Variants in COPZ2 observed in about 807,000 individuals in gnomAD.
COPZ2 encodes the protein coat protein complex I subunit zeta 2, also known as coatomer subunit zeta-2.
In COPZ2, 30 loss-of-function variants were observed where a neutral mutation model predicts 33.2. The ratio of observed to expected loss-of-function variants is 0.90; its 90% CI spans 0.68 to 1.23. The LOEUF (loss-of-function observed/expected upper bound fraction) is 1.23, where lower values mean the gene tolerates loss of function less well. COPZ2 is among the 50% of genes most tolerant of loss of function. The pLI is 0.00. For missense variants in COPZ2, 263 were observed against 262.4 expected, an observed-to-expected ratio of 1.00 and a Z score of -0.02; for synonymous variants, 89 against 102.6, an observed-to-expected ratio of 0.87 and a Z score of 0.80.
upstream of COPZ2, among the ~76,000 whole-genome samples, chr17:48,042,548 G>C (rs999429482): frequency 6.6e-6 from 1 of 152,110 alleles, no homozygotes; most frequent in East Asian, 1.9e-4. Context: ...TGCAACCTCT[G>C]CCTCCCGGGT....
chr17:48,042,107 C>G (rs1462470548), upstream of COPZ2, among the ~76,000 whole-genome samples: 2 of 152,076 alleles, frequency 1.3e-5, no homozygotes, highest in African/African-American at 4.8e-5. Flanking sequence ...ACCCCCACAT[C>G]TATCACTGTT....
At chr17:48,029,672 T>TCC (rs2036864146) in intron 6 of COPZ2, among the ~76,000 whole-genome samples, 9 of 53,634 alleles carry the variant, frequency 1.7e-4, no homozygotes, top group African/African-American at 4.0e-4. Flanking sequence ...TTCCTCCCTT[T>TCC]TTTTTTTTTT....
At chr17:48,035,753 C>CTTTTTTTTTTTT (rs368011148) in intron 2 of COPZ2, among the ~76,000 whole-genome samples, 2 of 131,518 alleles carry the variant, frequency 1.5e-5, no homozygotes, top group Non-Finnish European at 3.3e-5. Context: ...TTTTTCTTTT[C>CTTTTTTTTTTTT]TTTTTTTTTT....
chr17:48,044,957 CTTTTT>C, the COPZ2 span, among the ~76,000 whole-genome samples: 1 of 151,878 alleles, frequency 6.6e-6, no homozygotes, highest in South Asian at 2.1e-4. Flanking sequence ...ACATGTTTTT[CTTTTT>C]ATTATTTTTT....
At chr17:48,033,711 G>T (rs370225058) in intron 3 of COPZ2, among the ~76,000 whole-genome samples, 152 bp downstream of exon 3, 1 of 152,274 alleles carries the variant, frequency 6.6e-6, no homozygotes, top group African/African-American at 2.4e-5. Flanking sequence ...GAGGAAGGGA[G>T]TGGAGAACAG....
upstream of COPZ2, among the ~76,000 whole-genome samples, chr17:48,039,978 C>T (rs1328945535): frequency 1.3e-5 from 2 of 152,042 alleles, no homozygotes; most frequent in African/African-American, 4.8e-5. Flanking sequence ...AAAAATTAGC[C>T]GGGGGTGGTG....
At chr17:48,040,557 C>T (rs1034501800), upstream of COPZ2, among the ~76,000 whole-genome samples, 12 of 151,400 alleles carry the variant, frequency 7.9e-5, no homozygotes, top group African/African-American at 2.9e-4. Context: ...CTCAGCCTCC[C>T]GAGTAGTTGG....
rs1369729434 is a variant in COPZ2, at chr17:48,028,440, T to C, written c.585+32A>G. ...CTGCTCCCCGTATCTCTCTAGACCATTTCTAGCCAAGGCAGATGCAGGGGG... is the reference window on the plus strand; with the variant it reads ...CTGCTCCCCGTATCTCTCTAGACCACTTCTAGCCAAGGCAGATGCAGGGGG... On this transcript the variant is annotated intron_variant, in intron 8 of 8. Transcript: ENST00000621465. The surrounding 1 kb of genome is among the most constrained non-coding windows in gnomAD (Gnocchi z 4.5). 6.2e-7 allele frequency: 1 copy of C among 1,603,090 alleles called. No individual in the cohort carries two copies. Among genetic ancestry groups the C allele is most frequent in the South Asian group, 1.1e-5 (1 of 88,874 alleles).
chr17:48,034,057 C>A (rs898416611), intron 2 of COPZ2, 113 bp from the exon 3 acceptor site: 11 of 702,306 alleles, frequency 1.6e-5, no homozygotes, highest in Non-Finnish European at 2.8e-5. Context: ...GCTTCCCTGC[C>A]CCATCTCTCC....
the COPZ2 span, among the ~76,000 whole-genome samples, chr17:48,043,174 A>G: frequency 1.3e-5 from 2 of 152,208 alleles, no homozygotes; most frequent in Admixed American, 1.3e-4. Flanking sequence ...GGGTAGGCAC[A>G]GTAGGATGGA....
intron 2 of COPZ2, among the ~76,000 whole-genome samples, chr17:48,035,500 A>G (rs1201892177): frequency 6.6e-6 from 1 of 152,108 alleles, no homozygotes; most frequent in Non-Finnish European, 1.5e-5. Flanking sequence ...GGCTCAGGCA[A>G]TCCTCCCACT....
At chr17:48,045,572 CGTGT>C in the COPZ2 span, 1 of 152,364 alleles carries the variant, frequency 6.6e-6, no homozygotes, top group African/African-American at 2.4e-5. Context: ...GCCCCAAATC[CGTGT>C]GCTTTAGACC....
At chr17:48,047,149 G>A in the COPZ2 span, 4 of 152,158 alleles carry the variant, frequency 2.6e-5, no homozygotes, top group Admixed American at 2.6e-4. Context: ...AAATGGACTC[G>A]ATTATTTACT....
chr17:48,034,451 G>C (rs1366180508), intron 2 of COPZ2, among the ~76,000 whole-genome samples: 1 of 152,086 alleles, frequency 6.6e-6, no homozygotes, highest in Non-Finnish European at 1.5e-5. Context: ...AAAAGTAGAG[G>C]GATATTGAGG....
At position 48,037,691 on chromosome 17, in the gene COPZ2, T is replaced by A; in HGVS notation, c.87A>T (p.Arg29=). The change falls in exon 1 of 9, where the codon CGA becomes CGT. Residue 29 remains arginine, a synonymous_variant. Transcript: ENST00000621465. The surrounding 1 kb of genome is among the most constrained non-coding windows in gnomAD (Gnocchi z 5.6). ...CCCGCAGCCCCGAGGGCTCCCCGGCTCGAGCAGGCGGCGCCGGGCCCCCGG... is the reference window on the plus strand; with the variant it reads ...CCCGCAGCCCCGAGGGCTCCCCGGCACGAGCAGGCGGCGCCGGGCCCCCGG... The part of the protein sequence containing the change: ...AQAGGPAPPA[R]AGEPSGLRLQ... 1 of 1,085,176 alleles carries A rather than the reference T, an allele frequency of 9.2e-7. No individual in the cohort carries two copies. The allele number at this position is 1,085,176 out of a possible 1,614,324, so 67.2% of individuals were successfully genotyped here. A position where few individuals can be genotyped will look rare whatever the true frequency, so the allele number is the denominator to read the frequency against.
intron 4 of COPZ2, 112 bp from the exon 5 acceptor site, chr17:48,032,853 G>A (rs2036914860): frequency 1.7e-5 from 14 of 823,730 alleles, no homozygotes; most frequent in Non-Finnish European, 1.2e-5. Context: ...CAGAGGCCTG[G>A]GCTGGAGACT....
intron 2 of COPZ2, among the ~76,000 whole-genome samples, chr17:48,034,571 C>G (rs2036949446): frequency 6.6e-6 from 1 of 152,096 alleles, no homozygotes; most frequent in Non-Finnish European, 1.5e-5. Context: ...TCTACAGCAC[C>G]CTGAGTCTCT....
In COPZ2 at chr17:48,026,346, C is replaced by A; in HGVS notation, c.*82G>T. 1 of 1,134,812 alleles carries A rather than the reference C, an allele frequency of 8.8e-7. No individual in the cohort carries two copies. The highest frequency in any genetic ancestry group is 1.9e-5 in the Admixed American group (1 of 53,520). 70.3% of individuals were successfully genotyped at this position (1,134,812 alleles called of 1,614,324 possible). The stretch of plus-strand genomic sequence containing the variant: ...GAGGGACCTGGGGATACAGAGGGGT[C>A]TCTCCTGACCCTGGGATCTTTGGGC... On this transcript the variant is annotated 3_prime_UTR_variant, in exon 9 of 9. Transcript: ENST00000621465.
the COPZ2 span, among the ~76,000 whole-genome samples, chr17:48,044,759 T>A: frequency 6.6e-6 from 1 of 152,136 alleles, no homozygotes; most frequent in Admixed American, 6.6e-5. Context: ...GGGCCATATG[T>A]CCGGATTTGC....
Sources: allele counts gnomAD v4.1 joint callset (sites outside exome capture counted in the v4.1 genomes callset), GRCh38; gene constraint gnomAD v4.1.1; non-coding constraint Gnocchi (gnomAD v3.1); transcripts MANE v1.5; gene names NCBI Gene and HGNC (gene_info 2026-07-23, HGNC 2026-07-21).